WDR35: variants seen among roughly 807,000 people sequenced by gnomAD.
WDR35 encodes the protein WD repeat-containing protein 35.
WDR35 carries 118 observed loss-of-function variants against 158.3 expected under a neutral mutation model. The observed-to-expected ratio is 0.75, with a 90% CI of 0.64 to 0.87. WDR35 has a LOEUF of 0.87. Among genes scored for constraint, WDR35 ranks in the 40% least tolerant of loss-of-function variants. The probability of loss-of-function intolerance (pLI) is 0.00; values close to 1 mark genes in which losing one functional copy is unlikely to be tolerated. For synonymous variants in WDR35, 448 were observed against 476.1 expected, an observed-to-expected ratio of 0.94 and a Z score of 0.77; for missense variants, 1,263 against 1,405.8, an observed-to-expected ratio of 0.90 and a Z score of 1.62.
At chr2:19,969,444 A>G in intron 9 of WDR35, 36 bp downstream of exon 9, 1 of 1,590,184 alleles carries the variant, frequency 6.3e-7, no homozygotes, top group South Asian at 1.1e-5. Flanking sequence ...TTTAGTAAGA[A>G]ACACTGTTTA....
At chr2:19,962,736 AT>A (rs1362814826) in intron 10 of WDR35, among the ~76,000 whole-genome samples, 15 of 152,194 alleles carry the variant, frequency 9.9e-5, no homozygotes, top group African/African-American at 2.7e-4. Context: ...TTAAAAAAAA[AT>A]AAAAAGAACT....
chr2:19,941,387 C>T (rs1404408778), intron 17 of WDR35, among the ~76,000 whole-genome samples: 1 of 152,138 alleles, frequency 6.6e-6, no homozygotes, highest in African/African-American at 2.4e-5. Flanking sequence ...TTCAGTACCT[C>T]GTTATTACTA....
chr2:19,977,375 A>G (rs1453202893), intron 5 of WDR35, among the ~76,000 whole-genome samples: 1 of 152,196 alleles, frequency 6.6e-6, no homozygotes, highest in Non-Finnish European at 1.5e-5. Flanking sequence ...TCTCCACACT[A>G]TTTTAATGAA....
chr2:19,960,144 T>C (rs1029738615), intron 11 of WDR35, among the ~76,000 whole-genome samples: 1 of 152,104 alleles, frequency 6.6e-6, no homozygotes, highest in Non-Finnish European at 1.5e-5. Context: ...AAGAGAGGTA[T>C]TTACAAGCAG....
rs759903398 is a variant in WDR35 at position 19,913,617 on chromosome 2, G to A, written c.3454C>T (p.Leu1152Phe). ...CTGTAGTGGCTTATTTCCTGAGCAAGGACACCGTGTTTGCATACACTGCAC... is the reference window on the plus strand; with the variant it reads ...CTGTAGTGGCTTATTTCCTGAGCAAAGACACCGTGTTTGCATACACTGCAC... ...WMCSVCKHGVLAQEISHYSFC... is the reference protein window; with the variant it reads ...WMCSVCKHGVFAQEISHYSFC... The change falls in exon 27 of 27, where the codon CTT becomes TTT. Residue 1152 changes from leucine (L) to phenylalanine (F), a missense_variant. Coordinates refer to ENST00000281405, the MANE Select transcript of WDR35 (RefSeq NM_020779.4). The A allele has an allele frequency of 4.3e-6, 7 of 1,613,934 alleles. No individual in the cohort carries two copies. Among genetic ancestry groups the A allele is most frequent in the Non-Finnish European group, 5.1e-6 (6 of 1,179,984 alleles).
chr2:19,945,704 TAAAG>T (rs1356975385), intron 16 of WDR35, 78 bp downstream of exon 16: 2 of 1,526,762 alleles, frequency 1.3e-6, no homozygotes, highest in Non-Finnish European at 1.8e-6. Context: ...ACAAACTTCT[TAAAG>T]AAACAAAGGG....
intron 17 of WDR35, 41 bp from the exon 18 acceptor site, chr2:19,938,442 C>T (rs968325330): frequency 1.1e-5 from 17 of 1,605,924 alleles, no homozygotes; most frequent in South Asian, 8.9e-5. Flanking sequence ...AAATATTTGC[C>T]GTTAGAGTAT....
chr2:19,973,979 A>C (rs567285749), intron 7 of WDR35, among the ~76,000 whole-genome samples: 88 of 151,940 alleles, frequency 5.8e-4, no homozygotes, highest in Non-Finnish European at 1.0e-3. Context: ...GAGTTGGTGC[A>C]CACCTGTGGT....
intron 25 of WDR35, among the ~76,000 whole-genome samples, chr2:19,929,851 T>A (rs1399930206): frequency 6.6e-6 from 1 of 152,106 alleles, no homozygotes; most frequent in Non-Finnish European, 1.5e-5. Flanking sequence ...TTTCTTCATA[T>A]TTTTCTGTTT....
At chr2:19,974,762 T>C in intron 6 of WDR35, 129 bp from the exon 7 acceptor site, 1 of 853,478 alleles carries the variant, frequency 1.2e-6, no homozygotes, top group South Asian at 2.2e-5. Flanking sequence ...AAATTAAAGC[T>C]TAATCACTTA....
intron 25 of WDR35, among the ~76,000 whole-genome samples, chr2:19,920,295 C>A (rs1349710657): frequency 6.6e-6 from 1 of 152,152 alleles, no homozygotes; most frequent in East Asian, 1.9e-4. Context: ...AATTTCAGGC[C>A]AATATCCCTG....
At chr2:19,927,671 A>G (rs1308292222) in intron 25 of WDR35, among the ~76,000 whole-genome samples, 1 of 152,244 alleles carries the variant, frequency 6.6e-6, no homozygotes, top group Admixed American at 6.5e-5. Flanking sequence ...AAAGAATAAA[A>G]AAGCGTCTAG....
At chr2:19,980,591 T>G in intron 4 of WDR35, 100 bp downstream of exon 4, 1 of 939,712 alleles carries the variant, frequency 1.1e-6, no homozygotes, top group Non-Finnish European at 1.7e-6. Flanking sequence ...CTGTTGTTAG[T>G]AAAAGGGGTC....
chr2:19,969,596 T>C lies in WDR35; in HGVS notation c.892A>G (p.Thr298Ala). 6.2e-7 allele frequency: 1 copy of C among 1,613,706 alleles called. No homozygotes were observed. The highest frequency in any genetic ancestry group is 8.5e-7 in the Non-Finnish European group (1 of 1,179,890). The stretch of plus-strand genomic sequence containing the variant: ...ATTTCCTTTCCAGGAACTTTCAAAG[T>C]ACCCAGATGCTGAAAAAGAAAGTTA... Reference protein sequence around the residue: ...FYTPFGEHLGTLKVPGKEISA... With the variant: ...FYTPFGEHLGALKVPGKEISA... Residue 298 changes from threonine (T) to alanine (A), a missense_variant, in exon 9 of 27, where the codon ACT (threonine) becomes GCT (alanine). Transcript: ENST00000281405.
intron 11 of WDR35, among the ~76,000 whole-genome samples, chr2:19,955,122 T>C (rs1671383592): frequency 6.6e-6 from 1 of 152,096 alleles, no homozygotes. Flanking sequence ...CCAGCTAATT[T>C]TTGTATTTTT....
intron 6 of WDR35, among the ~76,000 whole-genome samples, chr2:19,974,976 A>G (rs558069017): frequency 1.3e-5 from 2 of 152,348 alleles, no homozygotes; most frequent in African/African-American, 4.8e-5. Flanking sequence ...TTGCTAAAAA[A>G]CAAAACTGCC....
intron 25 of WDR35, among the ~76,000 whole-genome samples, chr2:19,919,404 G>GAAAAAAAAAAAAAAAAAAAAA (rs1670096609): frequency 7.8e-6 from 1 of 128,318 alleles, no homozygotes; most frequent in African/African-American, 2.9e-5. Flanking sequence ...AAAAAGAAAA[G>GAAAAAAAAAAAAAAAAAAAAA]AAAAAGAAAA....
At chr2:19,989,327 G>T in intron 1 of WDR35, 45 bp from the exon 2 acceptor site, 2 of 1,534,560 alleles carry the variant, frequency 1.3e-6, no homozygotes, top group Non-Finnish European at 1.8e-6. Context: ...TCACGAAGGA[G>T]CTGGGAAGTA....
At chr2:19,958,298 TA>T (rs984093239) in intron 11 of WDR35, among the ~76,000 whole-genome samples, 1 of 152,176 alleles carries the variant, frequency 6.6e-6, no homozygotes, top group Admixed American at 6.5e-5. Flanking sequence ...AAATATCACC[TA>T]AAGAAATACT....
Sources: allele counts gnomAD v4.1 joint callset (sites outside exome capture counted in the v4.1 genomes callset), GRCh38; gene constraint gnomAD v4.1.1; transcripts MANE v1.5; gene names NCBI Gene and HGNC (gene_info 2026-07-23, HGNC 2026-07-21).